GSTO2: variants seen among roughly 807,000 people sequenced by gnomAD.
The protein encoded by GSTO2 is glutathione S-transferase omega 2.
In GSTO2, 23 loss-of-function variants were observed where a neutral mutation model predicts 28.4. The observed-to-expected ratio is 0.81, with a 90% CI of 0.58 to 1.15. GSTO2 has a LOEUF of 1.15. GSTO2 is among the 50% of genes most tolerant of loss of function. The pLI is 0.00. For missense variants in GSTO2, 298 were observed against 297.8 expected, an observed-to-expected ratio of 1.00 and a Z score of 0.00; for synonymous variants, 109 against 111.0, an observed-to-expected ratio of 0.98 and a Z score of 0.11.
At chr10:104,284,363 GAAA>G (rs564443029) in intron 5 of GSTO2, among the ~76,000 whole-genome samples, 1 of 148,620 alleles carries the variant, frequency 6.7e-6, no homozygotes, top group Non-Finnish European at 1.5e-5. Context: ...TTGTCTCCAA[GAAA>G]AAAAAAATTA....
chr10:104,290,597 C>T (rs140095256), intron 5 of GSTO2, among the ~76,000 whole-genome samples: 8 of 152,142 alleles, frequency 5.3e-5, no homozygotes, highest in African/African-American at 1.9e-4. Flanking sequence ...TTTGCAGCAA[C>T]ATGGATGGAA....
chr10:104,277,600 T>C (rs926597662), intron 3 of GSTO2, among the ~76,000 whole-genome samples: 4 of 152,136 alleles, frequency 2.6e-5, no homozygotes, highest in African/African-American at 9.7e-5. Context: ...CTACTACTTC[T>C]TAGTGGGTGG....
rs2013257179 is a variant in GSTO2, at chr10:104,301,521, C to G, written c.*2237C>G. On this transcript the variant is annotated 3_prime_UTR_variant, in exon 7 of 7. Coordinates refer to ENST00000338595, the MANE Select transcript of GSTO2 (RefSeq NM_183239.2). ...TGACCCACAGAGAAAACTGAGTTAT[C>G]AATCTTTGAATAAAACTAGAAGGAT... is the stretch of plus-strand genomic sequence containing the variant. 2 of 152,036 alleles carry G rather than the reference C, an allele frequency of 1.3e-5. No homozygotes were observed. The highest frequency in any genetic ancestry group is 4.8e-5 in the African/African-American group (2 of 41,378). 9.4% of individuals were successfully genotyped at this position (152,036 alleles called of 1,614,324 possible).
intron 1 of GSTO2, among the ~76,000 whole-genome samples, chr10:104,270,913 G>A (rs559831537): frequency 5.9e-5 from 9 of 152,298 alleles, no homozygotes; most frequent in African/African-American, 1.9e-4. Flanking sequence ...GGCTTAAGTC[G>A]TTAATCACCC....
At position 104,301,543 on chromosome 10, in the gene GSTO2, G is replaced by T. The variant is rs898144132; in HGVS notation, c.*2259G>T. The stretch of plus-strand genomic sequence containing the variant: ...TATCAATCTTTGAATAAAACTAGAA[G>T]GATGTGGCCTGGAGAAAAGAGGGAA... On this transcript the variant is annotated 3_prime_UTR_variant, in exon 7 of 7. Coordinates refer to ENST00000338595, the MANE Select transcript of GSTO2 (RefSeq NM_183239.2). 2 of 152,142 alleles carry T rather than the reference G, an allele frequency of 1.3e-5. No homozygotes were observed. The highest frequency in any genetic ancestry group is 2.9e-5 in the Non-Finnish European group (2 of 68,026). The allele number at this position is 152,142 out of a possible 1,614,324, so 9.4% of individuals were successfully genotyped here. A position where few individuals can be genotyped will look rare whatever the true frequency, so the allele number is the denominator to read the frequency against.
chr10:104,278,506 G>A (rs916776767), intron 4 of GSTO2, among the ~76,000 whole-genome samples: 1 of 152,118 alleles, frequency 6.6e-6, no homozygotes, highest in African/African-American at 2.4e-5. Flanking sequence ...TTTTGAGACG[G>A]AGTCTCGCTC....
At chr10:104,286,551 C>T (rs1468048966) in intron 5 of GSTO2, among the ~76,000 whole-genome samples, 6 of 152,068 alleles carry the variant, frequency 3.9e-5, no homozygotes, top group Admixed American at 2.0e-4. Context: ...CATGAATATA[C>T]GTTGTTATTT....
chr10:104,283,580 C>T (rs1189426015), intron 5 of GSTO2, among the ~76,000 whole-genome samples: 2 of 152,116 alleles, frequency 1.3e-5, no homozygotes. Context: ...GAGCTATGAT[C>T]GTGCCACTGT....
intron 5 of GSTO2, among the ~76,000 whole-genome samples, chr10:104,284,758 A>C (rs578025956): frequency 7.9e-5 from 12 of 152,292 alleles, no homozygotes; most frequent in African/African-American, 2.9e-4. Context: ...GCCTTCCAAA[A>C]ATATTTTCAT....
At chr10:104,290,580 C>A (rs1325203479) in intron 5 of GSTO2, among the ~76,000 whole-genome samples, 1 of 151,850 alleles carries the variant, frequency 6.6e-6, no homozygotes, top group Admixed American at 6.6e-5. Flanking sequence ...AGAATGAGAT[C>A]CTGTCATTTG....
In GSTO2 at chr10:104,299,215, CA is replaced by C. The variant is rs1347932744; in HGVS notation, c.664del (p.Ile222PhefsTer6). The C allele has an allele frequency of 2.5e-5, 41 of 1,614,066 alleles. No individual in the cohort carries two copies. The highest frequency in any genetic ancestry group is 3.3e-5 in the Admixed American group (2 of 60,004). On this transcript the variant is annotated frameshift_variant, in exon 7 of 7. Transcript: ENST00000338595. LOFTEE classifies it high-confidence loss of function. ...TCTGTGCTCTTCTCATGGATAAGAGCATTTTCCAGGGCTTCTTGAATCTCTA... is the reference window on the plus strand; with the variant it reads ...TCTGTGCTCTTCTCATGGATAAGAGCTTTTCCAGGGCTTCTTGAATCTCTA... Reference protein sequence around the residue: ...TVCALLMDKSIFQGFLNLYFQ... With the variant: ...TVCALLMDKSXFQGFLNLYFQ...
chr10:104,282,704 A>T (rs773485021), intron 5 of GSTO2, among the ~76,000 whole-genome samples: 54 of 152,256 alleles, frequency 3.5e-4, no homozygotes, highest in Non-Finnish European at 7.5e-4. Flanking sequence ...ATTTTGAGGA[A>T]CTAAGATGAG....
intron 5 of GSTO2, among the ~76,000 whole-genome samples, chr10:104,288,703 T>G (rs1330164304): frequency 6.6e-6 from 1 of 152,248 alleles, no homozygotes; most frequent in Non-Finnish European, 1.5e-5. Context: ...GTCTGTTCAG[T>G]TCAGGGGCTT....
intron 3 of GSTO2, among the ~76,000 whole-genome samples, chr10:104,276,557 GACA>G (rs1279343158): frequency 6.6e-6 from 1 of 152,188 alleles, no homozygotes; most frequent in Non-Finnish European, 1.5e-5. Flanking sequence ...CTTCAGTTGT[GACA>G]ACAAAACCAT....
At chr10:104,275,946 A>G (rs1414322357) in intron 3 of GSTO2, among the ~76,000 whole-genome samples, 4 of 152,210 alleles carry the variant, frequency 2.6e-5, no homozygotes, top group Non-Finnish European at 4.4e-5. Flanking sequence ...AGTTTTCAAG[A>G]CACCTTGAAA....
chr10:104,270,125 T>A (rs979941417), intron 1 of GSTO2, among the ~76,000 whole-genome samples: 4 of 151,930 alleles, frequency 2.6e-5, no homozygotes, highest in Non-Finnish European at 5.9e-5. Context: ...GCCATTCTCC[T>A]GCCTCAGCCT....
intron 5 of GSTO2, chr10:104,294,930 C>T (rs550728938): frequency 1.3e-5 from 2 of 152,296 alleles, no homozygotes; most frequent in South Asian, 4.2e-4. Context: ...AAGGACCCAC[C>T]ATGGGTTCCA....
intron 5 of GSTO2, among the ~76,000 whole-genome samples, chr10:104,285,421 A>G (rs1589866742): frequency 6.6e-6 from 1 of 151,888 alleles, no homozygotes; most frequent in Non-Finnish European, 1.5e-5. Flanking sequence ...GGCTGAAGCC[A>G]CCGAGCCTGC....
chr10:104,283,669 T>C (rs1334691008), intron 5 of GSTO2, among the ~76,000 whole-genome samples: 4 of 152,154 alleles, frequency 2.6e-5, no homozygotes, highest in Non-Finnish European at 5.9e-5. Flanking sequence ...GTAGGAAATA[T>C]TGAAATCTGA....
Sources: gnomAD v4.1 joint callset for allele counts (sites outside exome capture counted in the v4.1 genomes callset) on GRCh38, gnomAD v4.1.1 for gene constraint, MANE v1.5 for transcripts, NCBI Gene and HGNC (gene_info 2026-07-23, HGNC 2026-07-21) for gene names.